ROBO1: variants seen among roughly 807,000 people sequenced by gnomAD.
The protein encoded by ROBO1 is roundabout homolog 1.
ROBO1 carries 149 observed loss-of-function variants against 195.9 expected under a neutral mutation model. That is an observed-to-expected ratio of 0.76 (90% CI 0.67 to 0.87). ROBO1 has a LOEUF of 0.87. Ranked by LOEUF, ROBO1 falls within the 40% of genes least tolerant of loss-of-function variation. The pLI is 0.00. For missense variants in ROBO1, 1,933 were observed against 2,068.3 expected (o/e 0.93, Z 1.27); for synonymous variants, 816 against 733.2 (o/e 1.11, Z -1.82).
chr3:78,761,493 C>T (rs1235418371), intron 4 of ROBO1, among the ~76,000 whole-genome samples: 1 of 152,084 alleles, frequency 6.6e-6, no homozygotes, highest in African/African-American at 2.4e-5. Context: ...GAACCAAGTA[C>T]TTCTACTGAA....
intron 2 of ROBO1, among the ~76,000 whole-genome samples, chr3:79,302,976 G>A (rs2033035368): frequency 6.6e-6 from 1 of 152,030 alleles, no homozygotes; most frequent in Non-Finnish European, 1.5e-5. Flanking sequence ...TTTGCTGAGT[G>A]TTAATGAAAC....
intron 3 of ROBO1, among the ~76,000 whole-genome samples, chr3:78,951,899 A>G (rs939524429): frequency 6.6e-6 from 1 of 152,134 alleles, no homozygotes; most frequent in African/African-American, 2.4e-5. Context: ...ACAAACACAG[A>G]AAGTAACCAT....
At chr3:79,229,038 G>A (rs1449169317) in intron 2 of ROBO1, among the ~76,000 whole-genome samples, 2 of 152,144 alleles carry the variant, frequency 1.3e-5, no homozygotes, top group South Asian at 4.1e-4. Flanking sequence ...TTATAATGAA[G>A]ATATGCAAAT....
intron 1 of ROBO1, among the ~76,000 whole-genome samples, chr3:79,681,226 A>C (rs893529053): frequency 1.3e-5 from 2 of 151,972 alleles, no homozygotes; most frequent in Non-Finnish European, 2.9e-5. Flanking sequence ...TTTGGGTAGG[A>C]ACGGCTTTAT....
intron 2 of ROBO1, among the ~76,000 whole-genome samples, chr3:79,454,843 A>G (rs921838755): frequency 1.3e-5 from 2 of 152,108 alleles, no homozygotes; most frequent in Non-Finnish European, 2.9e-5. Context: ...CTGACAGGGT[A>G]TTGGAAATGA....
chr3:79,574,194 A>T lies in ROBO1; in HGVS notation c.88+15630T>A, dbSNP rs187916463. On this transcript the variant is annotated intron_variant, in intron 2 of 30. Coordinates refer to ENST00000464233, the MANE Select transcript of ROBO1 (RefSeq NM_002941.4). The stretch of plus-strand genomic sequence containing the variant: ...AAAATAATGATATATCTCTGAGTCT[A>T]TCAGACATTTCTGGGCTCAGTGTTT... Among the ~76,000 whole-genome samples, 131 of 152,248 alleles carry T rather than the reference A, an allele frequency of 8.6e-4. 1 individual carries two copies. Among genetic ancestry groups the T allele is most frequent in the African/African-American group, 3.0e-3 (126 of 41,570 alleles).
At chr3:78,978,879 T>C (rs934169914) in intron 3 of ROBO1, among the ~76,000 whole-genome samples, 1 of 152,200 alleles carries the variant, frequency 6.6e-6, no homozygotes, top group Non-Finnish European at 1.5e-5. Flanking sequence ...TAGAAATCTA[T>C]TCTCCAACTA....
chr3:79,505,506 C>T (rs1383930496), intron 2 of ROBO1, among the ~76,000 whole-genome samples: 2 of 152,232 alleles, frequency 1.3e-5, no homozygotes, highest in Admixed American at 6.5e-5. Context: ...GAACTTTTTC[C>T]TGATTTAAGG....
intron 18 of ROBO1, among the ~76,000 whole-genome samples, chr3:78,656,095 T>C (rs912774395): frequency 4.6e-5 from 7 of 152,182 alleles, no homozygotes; most frequent in Non-Finnish European, 1.0e-4. Flanking sequence ...CCAGAGTGAA[T>C]TGTGGTAATG....
At chr3:79,714,774 C>A (rs920874169) in intron 1 of ROBO1, among the ~76,000 whole-genome samples, 11 of 148,540 alleles carry the variant, frequency 7.4e-5, no homozygotes, top group Non-Finnish European at 1.5e-5. Flanking sequence ...CGCATGTTCT[C>A]ACTCATAGGT....
At chr3:78,621,668 G>T (rs1704464231) in intron 26 of ROBO1, among the ~76,000 whole-genome samples, 1 of 152,154 alleles carries the variant, frequency 6.6e-6, no homozygotes, top group African/African-American at 2.4e-5. Flanking sequence ...GGGACTTGTC[G>T]CAAATGAACC....
At chr3:79,766,113 C>G (rs1049506895) in intron 1 of ROBO1, among the ~76,000 whole-genome samples, 4 of 151,998 alleles carry the variant, frequency 2.6e-5, no homozygotes, top group East Asian at 1.9e-4. Context: ...ATAGAAGGAG[C>G]CTCCAGTGAG....
At chr3:79,229,355 A>G (rs1238045104) in intron 2 of ROBO1, among the ~76,000 whole-genome samples, 1 of 152,204 alleles carries the variant, frequency 6.6e-6, no homozygotes, top group Non-Finnish European at 1.5e-5. Context: ...AGGAAAGGAT[A>G]AAACTGTACC....
At chr3:79,482,549 A>T (rs1371383851) in intron 2 of ROBO1, among the ~76,000 whole-genome samples, 1 of 152,130 alleles carries the variant, frequency 6.6e-6, no homozygotes, top group Admixed American at 6.6e-5. Context: ...GACATGTGGA[A>T]CTGTGAGTCA....
At chr3:79,310,452 T>G (rs1018350532) in intron 2 of ROBO1, among the ~76,000 whole-genome samples, 7 of 152,350 alleles carry the variant, frequency 4.6e-5, no homozygotes, top group African/African-American at 1.7e-4. Flanking sequence ...TGGAAGTCTA[T>G]GCTGCTCAGG....
At chr3:79,123,623 G>C (rs2080161882) in intron 3 of ROBO1, among the ~76,000 whole-genome samples, 1 of 151,940 alleles carries the variant, frequency 6.6e-6, no homozygotes, top group Non-Finnish European at 1.5e-5. Flanking sequence ...ATACAGAATA[G>C]ACTTCCTTTA....
At chr3:78,983,774 C>CT (rs1183932712) in intron 3 of ROBO1, among the ~76,000 whole-genome samples, 1 of 152,110 alleles carries the variant, frequency 6.6e-6, no homozygotes. Context: ...TATTTGAGTA[C>CT]TTAAGTACTT....
intron 2 of ROBO1, among the ~76,000 whole-genome samples, chr3:79,319,563 T>A (rs1448240122): frequency 1.3e-5 from 2 of 151,974 alleles, no homozygotes; most frequent in East Asian, 3.9e-4. Context: ...CCTAAAGGAC[T>A]TAAAATAAAC....
chr3:79,597,131 G>A (rs1372584424), intron 1 of ROBO1, among the ~76,000 whole-genome samples: 6 of 95,052 alleles, frequency 6.3e-5, no homozygotes, highest in East Asian at 2.8e-4. Flanking sequence ...GCATGCACGT[G>A]TGTGTGTGTG....
Sources: gnomAD v4.1 joint callset for allele counts (sites outside exome capture counted in the v4.1 genomes callset) on GRCh38, gnomAD v4.1.1 for gene constraint, MANE v1.5 for transcripts, NCBI Gene and HGNC (gene_info 2026-07-23, HGNC 2026-07-21) for gene names.